NRXN1: variants seen among roughly 807,000 people sequenced by gnomAD.
NRXN1 encodes neurexin-1.
In NRXN1, 39 loss-of-function variants were observed where a neutral mutation model predicts 150.9. The ratio of observed to expected loss-of-function variants is 0.26; its 90% CI spans 0.20 to 0.34. The LOEUF (loss-of-function observed/expected upper bound fraction) is 0.34. Ranked by LOEUF, NRXN1 falls within the 10% of genes least tolerant of loss-of-function variation. The probability of loss-of-function intolerance (pLI) is 1.00; values close to 1 mark genes in which losing one functional copy is unlikely to be tolerated. For synonymous variants in NRXN1, 924 were observed against 757.0 expected, an observed-to-expected ratio of 1.22 and a Z score of -3.62; for missense variants, 1,815 against 1,949.9, an observed-to-expected ratio of 0.93 and a Z score of 1.30.
In NRXN1 at chr2:50,439,605, G is replaced by C. The variant is rs912485430; in HGVS notation, c.3364+25837C>G. On this transcript the variant is annotated intron_variant, in intron 17 of 22. Coordinates refer to ENST00000401669, the MANE Select transcript of NRXN1 (RefSeq NM_001330078.2). The stretch of plus-strand genomic sequence containing the variant: ...GTGGATCACGAGGTCAGGAGATTGA[G>C]ACCATCCTGGCTAACACGGTGAAAA... Among the ~76,000 whole-genome samples the C allele has an allele frequency of 5.9e-5, 9 of 152,108 alleles. No homozygotes were observed. The East Asian group carries it at 1.2e-3, about 20-fold the overall frequency.
chr2:50,315,863 T>C (rs1481595328), intron 17 of NRXN1, among the ~76,000 whole-genome samples: 1 of 152,112 alleles, frequency 6.6e-6, no homozygotes, highest in East Asian at 1.9e-4. Context: ...TTCTGAAAAT[T>C]ACTGGTGACA....
At chr2:50,948,349 A>G (rs914519654) in intron 2 of NRXN1, among the ~76,000 whole-genome samples, 48 of 152,198 alleles carry the variant, frequency 3.2e-4, no homozygotes, top group African/African-American at 1.1e-3. Context: ...TGTTCTAAGT[A>G]TTTATACACA....
intron 16 of NRXN1, chr2:50,466,483 T>C (rs919260930): frequency 6.4e-6 from 3 of 471,214 alleles, no homozygotes; most frequent in African/African-American, 6.0e-5. Flanking sequence ...CTTTCATCAA[T>C]GCAACTTTGT....
At position 50,907,616 on chromosome 2, in the gene NRXN1, A is replaced by C. The variant is rs554604845; in HGVS notation, c.832+14253T>G. Reference sequence around the variant, plus strand: ...CACAAGCTCCTTACAAGTGGAAGAAAACAGCAGAAGAGGAGTCAGAGGAAA... The same window carrying C: ...CACAAGCTCCTTACAAGTGGAAGAACACAGCAGAAGAGGAGTCAGAGGAAA... On this transcript the variant is annotated intron_variant, in intron 5 of 22. Transcript: ENST00000401669. Among the ~76,000 whole-genome samples the C allele has an allele frequency of 2.0e-5, 3 of 152,166 alleles. No homozygotes were observed. In the South Asian group the frequency reaches 6.2e-4, roughly 32 times the overall value.
At chr2:50,530,923 T>G (rs146357425) in intron 11 of NRXN1, among the ~76,000 whole-genome samples, 1 of 152,288 alleles carries the variant, frequency 6.6e-6, no homozygotes, top group East Asian at 1.9e-4. Context: ...AACAGAAAAT[T>G]CAGCTTGAGG....
At chr2:50,237,091 A>T (rs1286550189) in intron 17 of NRXN1, 121 bp from the exon 18 acceptor site, 3 of 985,938 alleles carry the variant, frequency 3.0e-6, no homozygotes, top group Middle Eastern at 2.4e-4. Context: ...GGCAAAGTAA[A>T]TCATAGATTT....
chr2:50,384,516 A>T lies in NRXN1; in HGVS notation c.3364+80926T>A, dbSNP rs368795883. On this transcript the variant is annotated intron_variant, in intron 17 of 22. Transcript: ENST00000401669. ...GCAAGACTCCATCTCAAAAAAAAAA[A>T]AAAAAAAAAAAAAAAAAAATGCATC... Among the ~76,000 whole-genome samples the T allele has an allele frequency of 1.4e-4, 16 of 116,450 alleles. 1 individual carries two copies. The highest frequency in any genetic ancestry group is 4.7e-4 in the African/African-American group (16 of 33,848). The allele number at this position is 116,450 out of a possible 152,430, so 76.4% of individuals were successfully genotyped here.
chr2:50,283,444 A>C (rs1277624522), intron 17 of NRXN1, among the ~76,000 whole-genome samples: 1 of 152,178 alleles, frequency 6.6e-6, no homozygotes, highest in Non-Finnish European at 1.5e-5. Flanking sequence ...TAAAACACAA[A>C]ATACATATGC....
At chr2:50,871,843 C>A (rs1677827187) in intron 5 of NRXN1, among the ~76,000 whole-genome samples, 2 of 151,842 alleles carry the variant, frequency 1.3e-5, no homozygotes, top group African/African-American at 2.4e-5. Context: ...ATATATTAAA[C>A]ACTCACTACA....
rs1553513390 is a variant in NRXN1 at position 50,373,674 on chromosome 2, G to GAAAGAAAGA, written c.3364+91767_3364+91768insTCTTTCTTT. ...AGAAAGAAAGAAAGAAAGAAAGAAA[G>GAAAGAAAGA]AAAGAAAAGAAAGAAGGAAAGAAAG... On this transcript the variant is annotated intron_variant, in intron 17 of 22. Transcript: ENST00000401669. Among the ~76,000 whole-genome samples, 85 of 99,126 alleles carry GAAAGAAAGA rather than the reference G, an allele frequency of 8.6e-4. 1 individual carries two copies. The highest frequency in any genetic ancestry group is 3.8e-3 in the African/African-American group (83 of 22,100). 65.0% of individuals were successfully genotyped at this position (99,126 alleles called of 152,430 possible). A position where few individuals can be genotyped will look rare whatever the true frequency, so the allele number is the denominator to read the frequency against.
intron 17 of NRXN1, among the ~76,000 whole-genome samples, chr2:50,276,654 C>T (rs1054842624): frequency 1.3e-5 from 2 of 152,108 alleles, no homozygotes; most frequent in Admixed American, 1.3e-4. Context: ...AGGTGTTATA[C>T]TTATTGTCAA....
At chr2:50,783,950 C>T (rs1018028701) in intron 5 of NRXN1, among the ~76,000 whole-genome samples, 5 of 152,122 alleles carry the variant, frequency 3.3e-5, no homozygotes, top group Non-Finnish European at 2.9e-5. Flanking sequence ...ATACCTTCCA[C>T]TTTTCTCAAA....
At chr2:50,971,927 T>C (rs1005169006) in intron 2 of NRXN1, among the ~76,000 whole-genome samples, 14 of 152,164 alleles carry the variant, frequency 9.2e-5, no homozygotes, top group Non-Finnish European at 1.6e-4. Flanking sequence ...ATGGATCCTT[T>C]GGTGGCAACT....
intron 21 of NRXN1, among the ~76,000 whole-genome samples, chr2:50,017,135 G>A (rs2087059864): frequency 1.3e-5 from 2 of 152,006 alleles, no homozygotes; most frequent in Non-Finnish European, 2.9e-5. Flanking sequence ...AAACTTTTAG[G>A]CCTGCTGTAC....
intron 18 of NRXN1, among the ~76,000 whole-genome samples, chr2:50,170,289 T>TTTGTA (rs2059949778): frequency 6.6e-6 from 1 of 150,496 alleles, no homozygotes; most frequent in African/African-American, 2.4e-5. Flanking sequence ...AACATTTTGT[T>TTTGTA]TTGTTTTGTT....
chr2:50,592,327 A>C (rs562583225), intron 8 of NRXN1, among the ~76,000 whole-genome samples: 1 of 152,262 alleles, frequency 6.6e-6, no homozygotes, highest in Admixed American at 6.5e-5. Context: ...AGAGTGATCT[A>C]AACAGCCTGA....
At chr2:50,743,366 C>A (rs1267908777) in intron 5 of NRXN1, among the ~76,000 whole-genome samples, 1 of 152,006 alleles carries the variant, frequency 6.6e-6, no homozygotes, top group Non-Finnish European at 1.5e-5. Flanking sequence ...TTGAGGGTGG[C>A]AAACTAAATA....
At chr2:50,828,965 G>T (rs1411877587) in intron 5 of NRXN1, among the ~76,000 whole-genome samples, 1 of 152,216 alleles carries the variant, frequency 6.6e-6, no homozygotes, top group South Asian at 2.1e-4. Flanking sequence ...ACCAGACACC[G>T]TCTGCAATCC....
intron 17 of NRXN1, among the ~76,000 whole-genome samples, chr2:50,311,632 C>T (rs2075191657): frequency 6.6e-6 from 1 of 152,104 alleles, no homozygotes; most frequent in African/African-American, 2.4e-5. Context: ...TCATTGCTAT[C>T]TCATGATGAC....
Sources: gnomAD v4.1 joint callset for allele counts (sites outside exome capture counted in the v4.1 genomes callset) on GRCh38, gnomAD v4.1.1 for gene constraint, MANE v1.5 for transcripts, NCBI Gene and HGNC (gene_info 2026-07-23, HGNC 2026-07-21) for gene names.